DSCAM: variants seen among roughly 807,000 people sequenced by gnomAD.
DSCAM encodes cell adhesion molecule DSCAM.
DSCAM carries 47 observed loss-of-function variants against 217.7 expected under a neutral mutation model. The observed-to-expected ratio is 0.22, with a 90% CI of 0.17 to 0.28. The LOEUF is 0.28. Ranked by LOEUF, DSCAM falls within the 10% of genes least tolerant of loss-of-function variation. DSCAM has a pLI of 1.00. For synonymous variants in DSCAM, 1,056 were observed against 1,015.3 expected, an observed-to-expected ratio of 1.04 and a Z score of -0.76; for missense variants, 2,080 against 2,618.3, an observed-to-expected ratio of 0.79 and a Z score of 4.49.
intron 1 of DSCAM, among the ~76,000 whole-genome samples, chr21:40,770,236 G>T (rs555210491): frequency 1.3e-5 from 2 of 152,174 alleles, no homozygotes; most frequent in African/African-American, 4.8e-5. Flanking sequence ...TTAAAAGACT[G>T]GTCTCCTTAA....
In DSCAM at chr21:40,653,743, A is replaced by G. The variant is rs567871223; in HGVS notation, c.508+39067T>C. On this transcript the variant is annotated intron_variant, in intron 3 of 32. Transcript: ENST00000400454. ...TGGCATCATGCAGTATATGTTACAA[A>G]TTAAGTTGAACTATACAAAAATACA... Among the ~76,000 whole-genome samples the G allele has an allele frequency of 2.0e-5, 3 of 152,334 alleles. No homozygotes were observed. In the East Asian group the frequency reaches 5.8e-4, roughly 29 times the overall value.
intron 3 of DSCAM, among the ~76,000 whole-genome samples, chr21:40,454,822 C>T (rs1262134769): frequency 2.0e-5 from 3 of 152,158 alleles, no homozygotes; most frequent in Non-Finnish European, 4.4e-5. Context: ...GGTACCTCTC[C>T]TTTCGAGTGT....
intron 3 of DSCAM, among the ~76,000 whole-genome samples, chr21:40,505,560 A>C (rs1029020045): frequency 4.6e-5 from 7 of 152,204 alleles, no homozygotes; most frequent in African/African-American, 1.7e-4. Context: ...TTTCAGACAT[A>C]TCTCTAAAAG....
At chr21:40,823,137 G>A (rs1432499360) in intron 1 of DSCAM, among the ~76,000 whole-genome samples, 1 of 151,842 alleles carries the variant, frequency 6.6e-6, no homozygotes, top group African/African-American at 2.4e-5. Flanking sequence ...GTGACAAAGC[G>A]AGACACCAGC....
intron 3 of DSCAM, among the ~76,000 whole-genome samples, chr21:40,659,431 T>A (rs2090113966): frequency 6.6e-6 from 1 of 152,008 alleles, no homozygotes; most frequent in Admixed American, 6.6e-5. Context: ...TTATCTATCA[T>A]CTCTCTCATA....
At chr21:40,502,912 A>AT (rs11455978) in intron 3 of DSCAM, among the ~76,000 whole-genome samples, 13,470 of 151,998 alleles carry the variant, frequency 0.089, 694 homozygotes, top group Middle Eastern at 0.16. Context: ...ATTATGTATA[A>AT]TTTTTTTTAT....
At chr21:40,089,082 T>C (rs1286097758) in intron 21 of DSCAM, among the ~76,000 whole-genome samples, 1 of 151,376 alleles carries the variant, frequency 6.6e-6, no homozygotes, top group Non-Finnish European at 1.5e-5. Context: ...CCAGGACTTA[T>C]GAATGCTTTT....
At chr21:40,812,231 G>A (rs923710263) in intron 1 of DSCAM, among the ~76,000 whole-genome samples, 4 of 152,194 alleles carry the variant, frequency 2.6e-5, no homozygotes, top group Non-Finnish European at 5.9e-5. Flanking sequence ...GTTACCATCT[G>A]ACCTCATAAA....
At chr21:40,579,934 C>T (rs547622234) in intron 3 of DSCAM, among the ~76,000 whole-genome samples, 1 of 152,220 alleles carries the variant, frequency 6.6e-6, no homozygotes, top group Admixed American at 6.5e-5. Flanking sequence ...ACGTGGTGGC[C>T]CAGGGTACTC....
At chr21:40,027,364 C>T (rs1436549688) in intron 32 of DSCAM, among the ~76,000 whole-genome samples, 257 of 152,270 alleles carry the variant, frequency 1.7e-3, no homozygotes, top group African/African-American at 5.9e-3. Flanking sequence ...CTTGGAGTTG[C>T]TCTTGTCAAG....
intron 3 of DSCAM, among the ~76,000 whole-genome samples, chr21:40,483,172 G>A (rs2075996808): frequency 6.6e-6 from 1 of 152,192 alleles, no homozygotes; most frequent in Admixed American, 6.5e-5. Flanking sequence ...TAAACATGCA[G>A]GTGCATCTGC....
At chr21:40,072,630 G>A (rs1275916528) in intron 27 of DSCAM, among the ~76,000 whole-genome samples, 5 of 152,104 alleles carry the variant, frequency 3.3e-5, no homozygotes, top group Admixed American at 2.6e-4. Flanking sequence ...TTACAGGTGT[G>A]AGCCACCGCA....
intron 1 of DSCAM, among the ~76,000 whole-genome samples, chr21:40,800,071 A>T (rs2091726042): frequency 6.6e-6 from 1 of 152,186 alleles, no homozygotes; most frequent in South Asian, 2.1e-4. Context: ...TATAAGAGGA[A>T]AAACGGAGAC....
At position 40,234,658 on chromosome 21, in the gene DSCAM, TTC is replaced by T. The variant is rs2091410530; in HGVS notation, c.2356+41437_2356+41438del. ...ATGATGTTCTTGATCCAGTTCTCTC[TTC>T]TCTCACTTTTCTGCAGTCACATGGT... On this transcript the variant is annotated intron_variant, in intron 11 of 32. Coordinates refer to ENST00000400454, the MANE Select transcript of DSCAM (RefSeq NM_001389.5). 4.6e-5 allele frequency among the ~76,000 whole-genome samples: 7 copies of T among 152,204 alleles called. No homozygotes were observed. In the South Asian group the frequency reaches 1.4e-3, roughly 31 times the overall value.
At chr21:40,341,751 A>G (rs1414921771) in intron 6 of DSCAM, among the ~76,000 whole-genome samples, 1 of 152,220 alleles carries the variant, frequency 6.6e-6, no homozygotes, top group African/African-American at 2.4e-5. Context: ...TATAATTAGA[A>G]GATGTAACTT....
At chr21:40,390,726 TTC>T (rs1407722758) in intron 3 of DSCAM, among the ~76,000 whole-genome samples, 3 of 152,120 alleles carry the variant, frequency 2.0e-5, no homozygotes, top group Non-Finnish European at 4.4e-5. Context: ...CATGGCCATG[TTC>T]TCTCTGTGTT....
chr21:40,307,185 C>T (rs992986447), intron 9 of DSCAM, among the ~76,000 whole-genome samples: 112 of 151,824 alleles, frequency 7.4e-4, no homozygotes, highest in Non-Finnish European at 6.3e-4. Context: ...ACCTACTCAT[C>T]TGACAAAGGG....
intron 3 of DSCAM, among the ~76,000 whole-genome samples, chr21:40,669,363 C>T (rs2090242123): frequency 6.6e-6 from 1 of 151,982 alleles, no homozygotes; most frequent in Non-Finnish European, 1.5e-5. Context: ...ATCCACGTGC[C>T]CAAAGAGTAA....
At chr21:40,742,680 A>G (rs1294168406) in intron 1 of DSCAM, among the ~76,000 whole-genome samples, 1 of 152,230 alleles carries the variant, frequency 6.6e-6, no homozygotes, top group Non-Finnish European at 1.5e-5. Flanking sequence ...AGGGCAGCTG[A>G]AATTTAATGA....
Sources: allele counts gnomAD v4.1 joint callset (sites outside exome capture counted in the v4.1 genomes callset), GRCh38; gene constraint gnomAD v4.1.1; transcripts MANE v1.5; gene names NCBI Gene and HGNC (gene_info 2026-07-23, HGNC 2026-07-21).